Variants in ADAM12 observed in about 807,000 individuals in gnomAD.
ADAM12 encodes the protein ADAM metallopeptidase domain 12.
Under a neutral mutation model 106.4 loss-of-function variants are expected in ADAM12, and 70 were observed. The ratio of observed to expected loss-of-function variants is 0.66; its 90% CI spans 0.54 to 0.80. ADAM12 has a LOEUF of 0.80. Among genes scored for constraint, ADAM12 ranks in the 30% least tolerant of loss-of-function variants. ADAM12 has a pLI of 0.00. For missense variants in ADAM12, 1,010 were observed against 1,171.9 expected, an observed-to-expected ratio of 0.86 and a Z score of 2.02; for synonymous variants, 420 against 433.5, an observed-to-expected ratio of 0.97 and a Z score of 0.39.
chr10:126,258,377 C>CA (rs1958934095), intron 3 of ADAM12, among the ~76,000 whole-genome samples: 1 of 151,908 alleles, frequency 6.6e-6, no homozygotes, highest in Non-Finnish European at 1.5e-5. Context: ...CACTCATCCC[C>CA]ACTGCCTCCG....
chr10:126,143,967 C>T (rs963457051), intron 4 of ADAM12, among the ~76,000 whole-genome samples: 2 of 152,156 alleles, frequency 1.3e-5, no homozygotes, highest in South Asian at 2.1e-4. Flanking sequence ...CTACATTACA[C>T]TTAGTCCTGA....
rs371145301 is a variant in ADAM12, at chr10:126,117,924, C to T, written c.603+114G>A. 3.1e-5 allele frequency: 38 copies of T among 1,220,042 alleles called. No homozygotes were observed. The South Asian group carries it at 4.2e-4, about 13-fold the overall frequency. The allele number at this position is 1,220,042 out of a possible 1,614,324, so 75.6% of individuals were successfully genotyped here. A position where few individuals can be genotyped will look rare whatever the true frequency, so the allele number is the denominator to read the frequency against. On this transcript the variant is annotated intron_variant, in intron 6 of 22. Coordinates refer to ENST00000448723, the MANE Select transcript of ADAM12 (RefSeq NM_001288973.2). Reference sequence around the variant, plus strand: ...CTCCAGATAAACTGGGCACTTCCATCCCCCAGATGCCGCATCATCTAGATG... The same window carrying T: ...CTCCAGATAAACTGGGCACTTCCATTCCCCAGATGCCGCATCATCTAGATG...
chr10:126,183,237 T>G (rs1957345615), intron 3 of ADAM12, among the ~76,000 whole-genome samples: 1 of 152,228 alleles, frequency 6.6e-6, no homozygotes, highest in Non-Finnish European at 1.5e-5. Context: ...AATTATTTCA[T>G]TATATATTAC....
chr10:126,239,731 T>C (rs1958486508), intron 3 of ADAM12, among the ~76,000 whole-genome samples: 1 of 152,206 alleles, frequency 6.6e-6, no homozygotes, highest in South Asian at 2.1e-4. Context: ...AATCCTAATA[T>C]TAGACTCTCA....
rs5788763 is a variant in ADAM12, at chr10:126,082,363, G to GTTTTTTT, written c.1146-10716_1146-10710dup. Among the ~76,000 whole-genome samples, 327 of 80,774 alleles carry GTTTTTTT rather than the reference G, an allele frequency of 4.0e-3. 43 individuals are homozygous for GTTTTTTT. Among genetic ancestry groups the GTTTTTTT allele is most frequent in the Admixed American group, 7.1e-3 (39 of 5,486 alleles). The allele number at this position is 80,774 out of a possible 152,430, so 53.0% of individuals were successfully genotyped here. On this transcript the variant is annotated intron_variant, in intron 11 of 22. Transcript: ENST00000448723. ...CTCTGGAGAAGACAATCTAATGACTGTTTTTTTTTTTTTTTTTTTTTTTTA... is the reference window on the plus strand; with the variant it reads ...CTCTGGAGAAGACAATCTAATGACTGTTTTTTTTTTTTTTTTTTTTTTTTTTTTTTTA...
At chr10:126,020,427 A>AG (rs1953742057) in intron 21 of ADAM12, among the ~76,000 whole-genome samples, 2 of 152,090 alleles carry the variant, frequency 1.3e-5, no homozygotes, top group Admixed American at 1.3e-4. Flanking sequence ...AAACACACTA[A>AG]GGGGCAGGGC....
At chr10:126,315,533 T>C (rs1335321437) in intron 2 of ADAM12, among the ~76,000 whole-genome samples, 1 of 152,144 alleles carries the variant, frequency 6.6e-6, no homozygotes, top group Non-Finnish European at 1.5e-5. Flanking sequence ...GAATATTAGT[T>C]TGATCCTTGG....
chr10:126,113,687 AATATATATATATATATAT>A lies in ADAM12; in HGVS notation c.604-3865_604-3848del, dbSNP rs71309278. 2.9e-4 allele frequency among the ~76,000 whole-genome samples: 7 copies of A among 24,134 alleles called. No homozygotes were observed. The South Asian group carries it at 0.01, about 36-fold the overall frequency. 15.8% of individuals were successfully genotyped at this position (24,134 alleles called of 152,430 possible). ...AAAAAAAAAAAAAAAAAAAAAAAAA[AATATATATATATATATAT>A]ATATATATATATATATATATATATA... is the stretch of plus-strand genomic sequence containing the variant. On this transcript the variant is annotated intron_variant, in intron 6 of 22. Transcript: ENST00000448723.
At chr10:126,245,977 T>C (rs1958621447) in intron 3 of ADAM12, among the ~76,000 whole-genome samples, 1 of 151,994 alleles carries the variant, frequency 6.6e-6, no homozygotes, top group African/African-American at 2.4e-5. Flanking sequence ...AACAGATAGC[T>C]AGAAAGACAG....
Position 126,115,484 on chromosome 10 carries a change from G to A in ADAM12, c.603+2554C>T, listed in dbSNP as rs193128431. On this transcript the variant is annotated intron_variant, in intron 6 of 22. Transcript: ENST00000448723. Reference sequence around the variant, plus strand: ...CGCTCCCTGTTTCTCTGTGCCCTTCGAGGGGCAGCCTGGGTTCTCACTAAA... The same window carrying A: ...CGCTCCCTGTTTCTCTGTGCCCTTCAAGGGGCAGCCTGGGTTCTCACTAAA... Among the ~76,000 whole-genome samples the A allele has an allele frequency of 3.3e-3, 501 of 152,260 alleles. 7 individuals are homozygous for A. Among genetic ancestry groups the A allele is most frequent in the African/African-American group, 0.011 (442 of 41,558 alleles).
At chr10:126,271,135 G>T (rs768939342) in intron 3 of ADAM12, among the ~76,000 whole-genome samples, 1 of 152,070 alleles carries the variant, frequency 6.6e-6, no homozygotes, top group Non-Finnish European at 1.5e-5. Flanking sequence ...CAGACTCTCA[G>T]GACCATGCCT....
intron 1 of ADAM12, among the ~76,000 whole-genome samples, chr10:126,377,754 C>A (rs201876238): frequency 1.3e-5 from 2 of 152,082 alleles, no homozygotes; most frequent in African/African-American, 4.8e-5. Context: ...GACAAAGAAC[C>A]CAGAAGCATA....
Position 126,097,144 on chromosome 10 carries a change from G to A in ADAM12, c.996+1272C>T, listed in dbSNP as rs567033417. Among the ~76,000 whole-genome samples, 20 of 152,326 alleles carry A rather than the reference G, an allele frequency of 1.3e-4. No homozygotes were observed. In the South Asian group the frequency reaches 3.5e-3, roughly 27 times the overall value. On this transcript the variant is annotated intron_variant, in intron 10 of 22. Transcript: ENST00000448723. The stretch of plus-strand genomic sequence containing the variant: ...ATGCCAACTTGAAGTGGCAAAGTCA[G>A]TAGCAACTGACCATGGAACCATGAA...
Position 126,043,740 on chromosome 10 carries a change from T to A in ADAM12, c.1996-592A>T, listed in dbSNP as rs1303688502. Among the ~76,000 whole-genome samples, 3 of 152,236 alleles carry A rather than the reference T, an allele frequency of 2.0e-5. No individual in the cohort carries two copies. The highest frequency in any genetic ancestry group is 6.5e-5 in the Admixed American group (1 of 15,286). On this transcript the variant is annotated intron_variant, in intron 17 of 22. Coordinates refer to ENST00000448723, the MANE Select transcript of ADAM12 (RefSeq NM_001288973.2). The surrounding 1 kb of genome is among the most constrained non-coding windows in gnomAD (Gnocchi z 4.1). Reference sequence around the variant, plus strand: ...TTCCACTAATACTTCCTGAAGCCTGTCCCCGTGTGTCCTTCCTGCAACGCC... The same window carrying A: ...TTCCACTAATACTTCCTGAAGCCTGACCCCGTGTGTCCTTCCTGCAACGCC...
At chr10:126,298,737 C>T (rs903308544) in intron 2 of ADAM12, among the ~76,000 whole-genome samples, 25 of 151,900 alleles carry the variant, frequency 1.6e-4, no homozygotes, top group African/African-American at 5.6e-4. Context: ...ATCATAGTAA[C>T]ATTGCTGAAA....
At chr10:126,218,053 A>T (rs994101979) in intron 3 of ADAM12, among the ~76,000 whole-genome samples, 2 of 151,986 alleles carry the variant, frequency 1.3e-5, no homozygotes, top group African/African-American at 4.8e-5. Flanking sequence ...TATAACGTAA[A>T]TAAGGATTTT....
chr10:126,142,278 A>G (rs1474222272), intron 4 of ADAM12, among the ~76,000 whole-genome samples: 2 of 152,190 alleles, frequency 1.3e-5, no homozygotes, highest in Admixed American at 6.5e-5. Flanking sequence ...CAGAGCTGAG[A>G]GCCCTGAACA....
At chr10:126,125,140 A>T (rs1956181922) in intron 5 of ADAM12, among the ~76,000 whole-genome samples, 1 of 151,902 alleles carries the variant, frequency 6.6e-6, no homozygotes, top group African/African-American at 2.4e-5. Context: ...AGACATTTTC[A>T]TCATTCCCCC....
chr10:126,252,787 C>G (rs1426716836), intron 3 of ADAM12, among the ~76,000 whole-genome samples: 1 of 152,050 alleles, frequency 6.6e-6, no homozygotes, highest in Non-Finnish European at 1.5e-5. Flanking sequence ...TCTGTTAACC[C>G]AGTCAAGTTG....
Sources: gnomAD v4.1 joint callset for allele counts (sites outside exome capture counted in the v4.1 genomes callset) on GRCh38, gnomAD v4.1.1 for gene constraint, Gnocchi (gnomAD v3.1) non-coding constraint, MANE v1.5 for transcripts, NCBI Gene and HGNC (gene_info 2026-07-23, HGNC 2026-07-21) for gene names.